Variants in KCND2 observed in about 807,000 individuals in gnomAD.
KCND2 encodes the protein potassium voltage-gated channel subfamily D member 2.
KCND2 carries 16 observed loss-of-function variants against 54.4 expected under a neutral mutation model. That is an observed-to-expected ratio of 0.29 (90% CI 0.20 to 0.45). The LOEUF is 0.45. Among genes scored for constraint, KCND2 ranks in the 20% least tolerant of loss-of-function variants. KCND2 has a pLI of 1.00. For missense variants in KCND2, 486 were observed against 824.2 expected (o/e 0.59, Z 5.02); for synonymous variants, 317 against 310.7 (o/e 1.02, Z -0.21).
intron 1 of KCND2, among the ~76,000 whole-genome samples, chr7:120,446,006 C>T (rs1351708716): frequency 6.6e-6 from 1 of 152,110 alleles, no homozygotes; most frequent in African/African-American, 2.4e-5. Flanking sequence ...CACTAGTAGG[C>T]ACTCAATAAA....
chr7:120,505,439 G>A (rs796423306), intron 1 of KCND2, among the ~76,000 whole-genome samples: 18 of 151,784 alleles, frequency 1.2e-4, no homozygotes, highest in African/African-American at 4.3e-4. Flanking sequence ...TTATTTTAGT[G>A]TTATGCCAAA....
intron 1 of KCND2, among the ~76,000 whole-genome samples, chr7:120,518,517 G>C (rs1489158858): frequency 6.6e-6 from 1 of 152,096 alleles, no homozygotes; most frequent in Non-Finnish European, 1.5e-5. Flanking sequence ...AAAATTATCA[G>C]TACACTAAAT....
In KCND2 at chr7:120,745,939, G is replaced by A. The variant is rs1793000746; in HGVS notation, c.1627G>A (p.Ala543Thr). The A allele has an allele frequency of 6.2e-7, 1 of 1,613,840 alleles. No homozygotes were observed. Among genetic ancestry groups the A allele is most frequent in the East Asian group, 2.2e-5 (1 of 44,854 alleles). The change falls in exon 5 of 6, where the codon GCC (alanine) becomes ACC (threonine). Residue 543 changes from alanine (A) to threonine (T), a missense_variant. This residue lies in a region of KCND2 where 202 missense variants were observed against 252.7 expected (regional missense o/e 0.80). Coordinates refer to ENST00000331113, the MANE Select transcript of KCND2 (RefSeq NM_012281.3). ...CAAAAAAACTTTTCGCATCCCAAATGCCAATGTATCAGGAAGCCATCAAGG... is the reference window on the plus strand; with the variant it reads ...CAAAAAAACTTTTCGCATCCCAAATACCAATGTATCAGGAAGCCATCAAGG... ...RHKKTFRIPN[A>T]NVSGSHQGSI...
chr7:120,707,834 G>C (rs535405576), intron 1 of KCND2, among the ~76,000 whole-genome samples: 60 of 152,198 alleles, frequency 3.9e-4, no homozygotes, highest in African/African-American at 1.4e-3. Context: ...TAAGGTAGGC[G>C]AAGTGACAGC....
intron 1 of KCND2, among the ~76,000 whole-genome samples, chr7:120,672,089 C>A (rs1792000104): frequency 2.6e-5 from 4 of 152,014 alleles, no homozygotes; most frequent in Non-Finnish European, 4.4e-5. Flanking sequence ...TCCTCAGGGA[C>A]CTTCATTAAT....
At chr7:120,472,818 G>A (rs1802478329) in intron 1 of KCND2, among the ~76,000 whole-genome samples, 1 of 152,196 alleles carries the variant, frequency 6.6e-6, no homozygotes, top group Non-Finnish European at 1.5e-5. Flanking sequence ...GGTGGAACTA[G>A]GGAAGACATA....
At chr7:120,666,479 C>T (rs1295771980) in intron 1 of KCND2, among the ~76,000 whole-genome samples, 1 of 151,614 alleles carries the variant, frequency 6.6e-6, no homozygotes, top group African/African-American at 2.4e-5. Context: ...AAAAATAGAG[C>T]CACGGAATGT....
At chr7:120,723,008 C>T (rs1792687677) in intron 1 of KCND2, among the ~76,000 whole-genome samples, 1 of 152,156 alleles carries the variant, frequency 6.6e-6, no homozygotes, top group Non-Finnish European at 1.5e-5. Context: ...TGACAGCCTG[C>T]AGGGCAGCAG....
chr7:120,439,410 T>C (rs904545802), intron 1 of KCND2, among the ~76,000 whole-genome samples: 1 of 152,116 alleles, frequency 6.6e-6, no homozygotes, highest in Non-Finnish European at 1.5e-5. Context: ...ATTTATGGAA[T>C]GCAGAGTGAT....
At chr7:120,518,424 A>T (rs1285411508) in intron 1 of KCND2, among the ~76,000 whole-genome samples, 1 of 152,172 alleles carries the variant, frequency 6.6e-6, no homozygotes, top group African/African-American at 2.4e-5. Context: ...GAAACAAAAG[A>T]TGTTAAATCA....
intron 1 of KCND2, among the ~76,000 whole-genome samples, chr7:120,555,275 C>T (rs1467559560): frequency 6.6e-6 from 1 of 152,096 alleles, no homozygotes; most frequent in South Asian, 2.1e-4. Flanking sequence ...CAATATTGGC[C>T]ATCATAGTCA....
At chr7:120,292,487 G>T (rs550801340) in intron 1 of KCND2, among the ~76,000 whole-genome samples, 1 of 151,758 alleles carries the variant, frequency 6.6e-6, no homozygotes, top group Non-Finnish European at 1.5e-5. Flanking sequence ...AGAATCACAG[G>T]ATCTTGAAAT....
chr7:120,572,243 T>C (rs1296446019), intron 1 of KCND2, among the ~76,000 whole-genome samples: 3 of 152,008 alleles, frequency 2.0e-5, no homozygotes, highest in Admixed American at 2.0e-4. Context: ...GCAAAGGCCA[T>C]CTGTTCAAAA....
At chr7:120,624,044 C>T (rs944327581) in intron 1 of KCND2, among the ~76,000 whole-genome samples, 8 of 152,004 alleles carry the variant, frequency 5.3e-5, no homozygotes, top group African/African-American at 1.7e-4. Context: ...GTGAAGTAAC[C>T]GTTTTGTTTT....
intron 1 of KCND2, among the ~76,000 whole-genome samples, chr7:120,650,619 A>G (rs1025196458): frequency 6.9e-6 from 1 of 143,970 alleles, no homozygotes; most frequent in Non-Finnish European, 1.5e-5. Flanking sequence ...CCGACTCGTC[A>G]AAGTCATTCT....
At chr7:120,426,230 A>G (rs1012969797) in intron 1 of KCND2, among the ~76,000 whole-genome samples, 3 of 152,120 alleles carry the variant, frequency 2.0e-5, no homozygotes, top group African/African-American at 7.2e-5. Context: ...TTTAAAATAT[A>G]TTTTACAAAC....
chr7:120,519,991 A>G (rs922161293), intron 1 of KCND2, among the ~76,000 whole-genome samples: 28 of 152,126 alleles, frequency 1.8e-4, no homozygotes, highest in African/African-American at 6.0e-4. Flanking sequence ...ATTAAATATC[A>G]TAATATTTGC....
intron 1 of KCND2, among the ~76,000 whole-genome samples, chr7:120,291,326 A>T (rs1584715189): frequency 6.6e-6 from 1 of 152,012 alleles, no homozygotes; most frequent in East Asian, 1.9e-4. Flanking sequence ...CTCCCCAAAA[A>T]TCTGTGATAT....
chr7:120,687,328 T>C (rs191037249), intron 1 of KCND2, among the ~76,000 whole-genome samples: 7 of 152,138 alleles, frequency 4.6e-5, no homozygotes, highest in African/African-American at 9.7e-5. Flanking sequence ...TCAGTTATGG[T>C]AGATTAATGA....
Sources: allele counts gnomAD v4.1 joint callset (sites outside exome capture counted in the v4.1 genomes callset), GRCh38; gene constraint gnomAD v4.1.1; regional missense constraint gnomAD v4.1.1; transcripts MANE v1.5; gene names NCBI Gene and HGNC (gene_info 2026-07-23, HGNC 2026-07-21).